The following SERPINI2 variants were observed in gnomAD, a reference collection of about 807,000 sequenced individuals.
The protein encoded by SERPINI2 is serpin I2.
In SERPINI2, 48 loss-of-function variants were observed where a neutral mutation model predicts 47.3. The observed-to-expected ratio is 1.02, with a 90% CI of 0.81 to 1.29. The LOEUF (loss-of-function observed/expected upper bound fraction) is 1.29. Ranked by LOEUF, SERPINI2 falls within the 50% of genes most tolerant of loss-of-function variation. The pLI, the probability that SERPINI2 is intolerant of heterozygous loss-of-function variation, is 0.00. For missense variants in SERPINI2, 448 were observed against 456.9 expected, an observed-to-expected ratio of 0.98 and a Z score of 0.18; for synonymous variants, 135 against 149.3, an observed-to-expected ratio of 0.90 and a Z score of 0.70.
chr3:167,458,081 T>C (rs1189437368), intron 5 of SERPINI2, among the ~76,000 whole-genome samples: 5 of 152,168 alleles, frequency 3.3e-5, no homozygotes, highest in Non-Finnish European at 7.4e-5. Context: ...ATAGGATTTA[T>C]TCTTCAACTC....
chr3:167,469,146 A>G (rs988665668), intron 2 of SERPINI2: 1 of 152,188 alleles, frequency 6.6e-6, no homozygotes, highest in African/African-American at 2.4e-5. Context: ...TAGATTAATG[A>G]CATTTTTAGC....
intron 2 of SERPINI2, chr3:167,469,618 A>C (rs1292645436): frequency 1.3e-5 from 2 of 152,150 alleles, no homozygotes; most frequent in African/African-American, 4.8e-5. Context: ...TTAGCCTTTG[A>C]TTCGTCATCA....
chr3:167,454,990 A>G (rs142331956), intron 5 of SERPINI2, among the ~76,000 whole-genome samples: 1 of 152,236 alleles, frequency 6.6e-6, no homozygotes, highest in Non-Finnish European at 1.5e-5. Flanking sequence ...ACTCAGGTCT[A>G]TTTGAAGTCA....
intron 2 of SERPINI2, among the ~76,000 whole-genome samples, chr3:167,468,515 CCTCACAGGAGGCTCTATGAAGTATA>C (rs1750212297): frequency 6.6e-6 from 1 of 152,042 alleles, no homozygotes; most frequent in African/African-American, 2.4e-5. Flanking sequence ...GTTCTCACAG[CCTCACAGGAGGCTCTATGAAGTATA>C]CTGCATTATA....
chr3:167,454,148 G>T (rs1560231902), intron 5 of SERPINI2, among the ~76,000 whole-genome samples: 1 of 152,178 alleles, frequency 6.6e-6, no homozygotes, highest in Non-Finnish European at 1.5e-5. Context: ...CAGCAGGTAG[G>T]CCCACATCTG....
chr3:167,451,679 A>C (rs1395389832), intron 6 of SERPINI2, among the ~76,000 whole-genome samples: 2 of 152,220 alleles, frequency 1.3e-5, no homozygotes, highest in African/African-American at 2.4e-5. Flanking sequence ...TTTTCTTTAA[A>C]AATCTGCCTG....
intron 5 of SERPINI2, among the ~76,000 whole-genome samples, chr3:167,456,657 G>C (rs1057103386): frequency 1.3e-5 from 2 of 152,098 alleles, no homozygotes; most frequent in Non-Finnish European, 2.9e-5. Context: ...ACCTCTTCTA[G>C]TATTGGCTCA....
At chr3:167,457,084 G>A (rs1190101836) in intron 5 of SERPINI2, among the ~76,000 whole-genome samples, 1 of 152,122 alleles carries the variant, frequency 6.6e-6, no homozygotes, top group Non-Finnish European at 1.5e-5. Flanking sequence ...ACTGTGAGGT[G>A]CCACATCAGT....
At chr3:167,461,016 G>A (rs1749966256) in intron 5 of SERPINI2, among the ~76,000 whole-genome samples, 1 of 152,158 alleles carries the variant, frequency 6.6e-6, no homozygotes, top group Non-Finnish European at 1.5e-5. Context: ...GCTATGATGT[G>A]AATTTTCCTG....
At chr3:167,462,303 A>G (rs1353518813) in intron 5 of SERPINI2, among the ~76,000 whole-genome samples, 1 of 152,198 alleles carries the variant, frequency 6.6e-6, no homozygotes, top group Non-Finnish European at 1.5e-5. Context: ...CAAACTGGGT[A>G]TCTTAAATAA....
chr3:167,453,257 C>G (rs976533574), intron 5 of SERPINI2, among the ~76,000 whole-genome samples: 4 of 151,254 alleles, frequency 2.6e-5, no homozygotes, highest in African/African-American at 9.9e-5. Flanking sequence ...AAAGAGGGAA[C>G]AGAAATTGCA....
At chr3:167,459,116 C>T (rs1269259606) in intron 5 of SERPINI2, among the ~76,000 whole-genome samples, 1 of 150,150 alleles carries the variant, frequency 6.7e-6, no homozygotes, top group East Asian at 1.9e-4. Flanking sequence ...GCTCTGTCGC[C>T]CAGGCTGGAG....
rs2272139 is a variant in SERPINI2, at chr3:167,446,531, T to A, written c.1052-50A>T. 5,192 of 1,174,392 alleles carry A rather than the reference T, an allele frequency of 4.4e-3. 34 individuals carry two copies. Among genetic ancestry groups the A allele is most frequent in the East Asian group, 0.028 (1,155 of 41,954 alleles). 72.7% of individuals were successfully genotyped at this position (1,174,392 alleles called of 1,614,324 possible). On this transcript the variant is annotated intron_variant, in intron 7 of 8. Coordinates refer to ENST00000264677, the Ensembl canonical transcript of SERPINI2. ...TTAGATACTTGCATTAAAAGATCAG[T>A]AAAGAAAGTATATTCATAATACATT...
At chr3:167,465,141 T>G in intron 5 of SERPINI2, 65 bp downstream of exon 5, 1 of 1,365,236 alleles carries the variant, frequency 7.3e-7, no homozygotes. Context: ...ACCTTTCAGC[T>G]GACTGCTCAA....
exon 3 of SERPINI2, chr3:167,467,204 G>A (rs1351801233): frequency 1.9e-5 from 31 of 1,613,188 alleles, no homozygotes; most frequent in Non-Finnish European, 2.5e-5. Context: ...AAGGTAGAGG[G>A]CATTGGCAAG....
At position 167,452,957 on chromosome 3, in the gene SERPINI2, A is replaced by G. The variant is rs913615573; in HGVS notation, c.943T>C (p.Cys315Arg). 6 of 1,602,192 alleles carry G rather than the reference A, an allele frequency of 3.7e-6. No homozygotes were observed. In the African/African-American group the frequency reaches 8.1e-5, roughly 22 times the overall value. Residue 315 changes from cysteine (C) to arginine (R), a missense_variant, in exon 6 of 9, where the codon TGC becomes CGC. Coordinates refer to ENST00000264677, the Ensembl canonical transcript of SERPINI2. ...CTACCTGTTATTCCAGAAAGGTCGC[A>G]GCCACCACTAAATATCTCGGTTATG...
chr3:167,457,585 C>G (rs1332593287), intron 5 of SERPINI2, among the ~76,000 whole-genome samples: 2 of 152,206 alleles, frequency 1.3e-5, no homozygotes, highest in Admixed American at 6.5e-5. Flanking sequence ...GTCTTTCCCT[C>G]TTTAACAAAT....
intron 5 of SERPINI2, among the ~76,000 whole-genome samples, chr3:167,457,547 G>C (rs1158533899): frequency 1.3e-5 from 2 of 152,082 alleles, no homozygotes; most frequent in African/African-American, 4.8e-5. Flanking sequence ...TTGTTGCAGT[G>C]GTTTTTTAAC....
chr3:167,443,155 T>G (rs1398197982), intron 8 of SERPINI2, among the ~76,000 whole-genome samples: 2 of 152,258 alleles, frequency 1.3e-5, no homozygotes, highest in African/African-American at 4.8e-5. Context: ...TCACCCAGGC[T>G]GGAGTGCAGT....
Sources: allele counts gnomAD v4.1 joint callset (sites outside exome capture counted in the v4.1 genomes callset), GRCh38; gene constraint gnomAD v4.1.1; transcripts MANE v1.5; gene names NCBI Gene and HGNC (gene_info 2026-07-23, HGNC 2026-07-21).